The following NUP153 variants were observed in gnomAD, a reference collection of about 807,000 sequenced individuals.
The protein encoded by NUP153 is nuclear pore complex protein Nup153.
NUP153 carries 27 observed loss-of-function variants against 134.6 expected under a neutral mutation model. That is an observed-to-expected ratio of 0.20 (90% CI 0.15 to 0.28). The LOEUF (loss-of-function observed/expected upper bound fraction) is 0.28, where lower values mean the gene tolerates loss of function less well. Ranked by LOEUF, NUP153 falls within the 10% of genes least tolerant of loss-of-function variation. The probability of loss-of-function intolerance (pLI) is 1.00; values close to 1 mark genes in which losing one functional copy is unlikely to be tolerated. For synonymous variants in NUP153, 640 were observed against 623.5 expected (o/e 1.03, Z -0.40); for missense variants, 1,821 against 1,731.3 (o/e 1.05, Z -0.92).
Position 17,629,008 on chromosome 6 carries a change from G to A in NUP153, c.3191C>T (p.Thr1064Ile), listed in dbSNP as rs1765091235. The A allele has an allele frequency of 6.2e-7, 1 of 1,614,026 alleles. No homozygotes were observed. The highest frequency in any genetic ancestry group is 8.5e-7 in the Non-Finnish European group (1 of 1,180,042). The change falls in exon 18 of 22, where the codon ACA becomes ATA. Residue 1064 changes from threonine (T) to isoleucine (I), a missense_variant. Coordinates refer to ENST00000262077, the MANE Select transcript of NUP153 (RefSeq NM_005124.4). ...TTTTTTAGCTTCTGATGTCTTACAT[G>A]TGAAAGGAGCCACTGAAGCACTCTT... ...ETKSASVAPFTCKTSEAKKEE... is the reference protein window; with the variant it reads ...ETKSASVAPFICKTSEAKKEE...
Position 17,625,541 on chromosome 6 carries a change from A to G in NUP153, c.3901+267T>C, listed in dbSNP as rs1264282750. The stretch of plus-strand genomic sequence containing the variant: ...CAAGACTCCGTCTCGAAAGAAAACA[A>G]AAACAAAAAACAAAGCTTAGAAAAA... On this transcript the variant is annotated intron_variant, in intron 19 of 21. Transcript: ENST00000262077. The surrounding 1 kb of genome is among the most constrained non-coding windows in gnomAD (Gnocchi z 4.7). Among the ~76,000 whole-genome samples, 1 of 152,202 alleles carries G rather than the reference A, an allele frequency of 6.6e-6. No individual in the cohort carries two copies. The highest frequency in any genetic ancestry group is 1.5e-5 in the Non-Finnish European group (1 of 68,036).
Position 17,624,717 on chromosome 6 carries a change from C to A in NUP153, c.4018G>T (p.Gly1340Cys), listed in dbSNP as rs1012419353. The A allele has an allele frequency of 3.7e-6, 6 of 1,614,038 alleles. No individual in the cohort carries two copies. Among genetic ancestry groups the A allele is most frequent in the African/African-American group, 2.7e-5 (2 of 74,910 alleles). The change falls in exon 20 of 22, where the codon GGC becomes TGC. Residue 1340 changes from glycine to cysteine, a missense_variant. Transcript: ENST00000262077. ...SQGASQPNPP[G>C]FGSISSSTAL... ...GTGGAAGATGATATAGATCCAAAGC[C>A]TGGGGGATTGGGCTGGCTGGCACCT...
At chr6:17,667,591 G>A (rs766624848) in intron 8 of NUP153, among the ~76,000 whole-genome samples, 3 of 152,276 alleles carry the variant, frequency 2.0e-5, no homozygotes, top group East Asian at 3.9e-4. Flanking sequence ...ATAGGCGCCT[G>A]TAGTCCCAGC....
At chr6:17,654,698 C>G (rs1005127322) in intron 11 of NUP153, among the ~76,000 whole-genome samples, 1 of 152,080 alleles carries the variant, frequency 6.6e-6, no homozygotes, top group Admixed American at 6.6e-5. Flanking sequence ...TCCCACTAAT[C>G]TAAGAGGAAA....
intron 11 of NUP153, among the ~76,000 whole-genome samples, chr6:17,651,258 GTGCCAC>G (rs1199595311): frequency 6.6e-6 from 1 of 152,070 alleles, no homozygotes; most frequent in Non-Finnish European, 1.5e-5. Context: ...GGCCATGACT[GTGCCAC>G]TGCACTCCAT....
chr6:17,650,554 G>C (rs971088709), intron 11 of NUP153, among the ~76,000 whole-genome samples: 3 of 152,148 alleles, frequency 2.0e-5, no homozygotes, highest in Non-Finnish European at 2.9e-5. Flanking sequence ...ACTTCAAATG[G>C]ATGCAGTTTA....
At chr6:17,664,299 A>G (rs1267905940) in intron 9 of NUP153, among the ~76,000 whole-genome samples, 2 of 152,172 alleles carry the variant, frequency 1.3e-5, no homozygotes, top group Admixed American at 1.3e-4. Context: ...ACTCACAGAC[A>G]CCACTTTATT....
chr6:17,689,977 A>G (rs909371155), intron 1 of NUP153, among the ~76,000 whole-genome samples: 2 of 152,190 alleles, frequency 1.3e-5, no homozygotes, highest in East Asian at 3.8e-4. Flanking sequence ...TTATGAACTA[A>G]TATCCCCACC....
chr6:17,632,308 CAAACAAACAAACAAAA>C (rs566424708), intron 17 of NUP153, among the ~76,000 whole-genome samples: 1,457 of 144,452 alleles, frequency 0.01, 11 homozygotes, highest in Non-Finnish European at 0.016. Flanking sequence ...CAAAAACAAA[CAAACAAACAAACAAAA>C]AAACAAACAA....
chr6:17,642,605 A>T (rs1486310585), intron 14 of NUP153, among the ~76,000 whole-genome samples: 1 of 152,248 alleles, frequency 6.6e-6, no homozygotes, highest in Non-Finnish European at 1.5e-5. Context: ...ACATGGTTCA[A>T]CTACTGTGGA....
rs188563132 is a variant in NUP153, at chr6:17,657,510, G to T, written c.1395+4143C>A. ...ACTCAGGAGGTGGAGGGTGCCATGA[G>T]CCAAGATCGTGCACTCCAGCCTGGG... is the stretch of plus-strand genomic sequence containing the variant. On this transcript the variant is annotated intron_variant, in intron 11 of 21. Transcript: ENST00000262077. 1.9e-3 allele frequency among the ~76,000 whole-genome samples: 287 copies of T among 152,196 alleles called. 2 individuals carry two copies. The highest frequency in any genetic ancestry group is 3.4e-3 in the Middle Eastern group (1 of 294).
intron 2 of NUP153, among the ~76,000 whole-genome samples, chr6:17,676,576 G>A (rs1768234382): frequency 6.6e-6 from 1 of 152,120 alleles, no homozygotes; most frequent in Non-Finnish European, 1.5e-5. Flanking sequence ...TTCCCAAAAA[G>A]AGGCTTCCAG....
chr6:17,625,794 T>C lies in NUP153; in HGVS notation c.3901+14A>G. 6.3e-7 allele frequency: 1 copy of C among 1,589,750 alleles called. No homozygotes were observed. The highest frequency in any genetic ancestry group is 8.6e-7 in the Non-Finnish European group (1 of 1,159,548). ...CCATCCAATTACAATGCATTTTTTC[T>C]TTTGTAAATGTACCTGCAGAGCTAG... is the stretch of plus-strand genomic sequence containing the variant. On this transcript the variant is annotated intron_variant, in intron 19 of 21. Transcript: ENST00000262077. This position sits in a 1 kb window ranked among gnomAD's most constrained non-coding sequence, Gnocchi z 4.7.
rs1288859960 is a variant in NUP153 at position 17,706,909 on chromosome 6, C to A, written c.-522G>T. On this transcript the variant is annotated 5_prime_UTR_variant, in exon 1 of 22. Transcript: ENST00000262077. The surrounding 1 kb of genome is among the most constrained non-coding windows in gnomAD (Gnocchi z 5.9). ...ATTACCCCTGCTAAGGCGGCTGCCG[C>A]GGTCGCGAGCCAGAATGTCGTCACT... is the stretch of plus-strand genomic sequence containing the variant. 6.4e-6 allele frequency: 1 copy of A among 155,680 alleles called. No homozygotes were observed. Among genetic ancestry groups the A allele is most frequent in the East Asian group, 1.9e-4 (1 of 5,214 alleles). 9.6% of individuals were successfully genotyped at this position (155,680 alleles called of 1,614,324 possible).
chr6:17,674,310 A>G (rs1257583443), intron 5 of NUP153, among the ~76,000 whole-genome samples: 1 of 152,216 alleles, frequency 6.6e-6, no homozygotes, highest in Non-Finnish European at 1.5e-5. Context: ...GAAAAATTGT[A>G]GTATGTGTAA....
Position 17,702,568 on chromosome 6 carries a change from CG to C in NUP153, c.111+3708del. Among the ~76,000 whole-genome samples the C allele has an allele frequency of 3.3e-5, 5 of 151,584 alleles. No individual in the cohort carries two copies. In the Middle Eastern group the frequency reaches 0.014, roughly 412 times the overall value. Reference sequence around the variant, plus strand: ...GCGCATGCCTGTAATGCCAGCTACTCGGGAGGCTGAGGCAGGAGAATAGCTT... The same window carrying C: ...GCGCATGCCTGTAATGCCAGCTACTCGGAGGCTGAGGCAGGAGAATAGCTT... On this transcript the variant is annotated intron_variant, in intron 1 of 21. Coordinates refer to ENST00000262077, the MANE Select transcript of NUP153 (RefSeq NM_005124.4).
chr6:17,689,387 C>CA (rs1211037638), intron 1 of NUP153, among the ~76,000 whole-genome samples: 1 of 150,814 alleles, frequency 6.6e-6, no homozygotes, highest in Non-Finnish European at 1.5e-5. Flanking sequence ...AACTCCATCT[C>CA]AAAAAACAAA....
chr6:17,706,268 G>C lies in NUP153; in HGVS notation c.111+9C>G. The C allele has an allele frequency of 6.2e-7, 1 of 1,605,026 alleles. No individual in the cohort carries two copies. Among genetic ancestry groups the C allele is most frequent in the Non-Finnish European group, 8.5e-7 (1 of 1,172,156 alleles). ...CCCGCCAGGCCACCGCGGCGTCGGG[G>C]TCCCATACCTGATGCTGTTGTCGCC... On this transcript the variant is annotated intron_variant, in intron 1 of 21. Coordinates refer to ENST00000262077, the MANE Select transcript of NUP153 (RefSeq NM_005124.4). This position sits in a 1 kb window ranked among gnomAD's most constrained non-coding sequence, Gnocchi z 5.9.
At chr6:17,657,629 G>T (rs991937803) in intron 11 of NUP153, among the ~76,000 whole-genome samples, 10 of 152,096 alleles carry the variant, frequency 6.6e-5, no homozygotes, top group African/African-American at 2.4e-4. Flanking sequence ...TAAGGGAAAT[G>T]AGCAGTATCT....
Sources: gnomAD v4.1 joint callset for allele counts (sites outside exome capture counted in the v4.1 genomes callset) on GRCh38, gnomAD v4.1.1 for gene constraint, Gnocchi (gnomAD v3.1) non-coding constraint, MANE v1.5 for transcripts, NCBI Gene and HGNC (gene_info 2026-07-23, HGNC 2026-07-21) for gene names.